The following GPC6 variants were observed in gnomAD, a reference collection of about 807,000 sequenced individuals.
GPC6 encodes the protein glypican-6.
In GPC6, 14 loss-of-function variants were observed where a neutral mutation model predicts 55.2. The observed-to-expected ratio is 0.25, with a 90% CI of 0.17 to 0.40. The LOEUF is 0.40. GPC6 is among the 10% of genes least tolerant of loss of function. The probability of loss-of-function intolerance (pLI) is 1.00; values close to 1 mark genes in which losing one functional copy is unlikely to be tolerated. For missense variants in GPC6, 641 were observed against 708.5 expected (o/e 0.90, Z 1.08); for synonymous variants, 278 against 259.6 (o/e 1.07, Z -0.68).
chr13:94,076,023 T>C (rs997865381), intron 4 of GPC6, among the ~76,000 whole-genome samples: 5 of 152,134 alleles, frequency 3.3e-5, no homozygotes, highest in African/African-American at 9.6e-5. Context: ...TTAAATATTT[T>C]GAGGAACCTC....
At chr13:93,967,567 C>A (rs1336349078) in intron 3 of GPC6, among the ~76,000 whole-genome samples, 1 of 152,108 alleles carries the variant, frequency 6.6e-6, no homozygotes, top group African/African-American at 2.4e-5. Context: ...CCTGGTGCAA[C>A]AAATGTTTCT....
intron 2 of GPC6, among the ~76,000 whole-genome samples, chr13:93,792,073 C>A (rs969614545): frequency 6.6e-6 from 1 of 152,180 alleles, no homozygotes; most frequent in South Asian, 2.1e-4. Flanking sequence ...TAATTCCTTT[C>A]ATTCTTAGCC....
intron 1 of GPC6, among the ~76,000 whole-genome samples, chr13:93,238,539 C>T (rs146314265): frequency 4.3e-4 from 66 of 152,040 alleles, no homozygotes; most frequent in African/African-American, 1.6e-3. Flanking sequence ...GTTTGACTTC[C>T]TCTTTTCTAA....
chr13:94,225,238 C>T (rs1295505829), intron 4 of GPC6, among the ~76,000 whole-genome samples: 3 of 152,030 alleles, frequency 2.0e-5, no homozygotes, highest in Non-Finnish European at 4.4e-5. Flanking sequence ...CTACTGAGGG[C>T]TTCATCAACA....
chr13:93,974,758 AT>A (rs200007526), intron 3 of GPC6, among the ~76,000 whole-genome samples: 18 of 151,126 alleles, frequency 1.2e-4, no homozygotes, highest in East Asian at 5.8e-4. Flanking sequence ...CCATTTCCTT[AT>A]TTTTTTTTGT....
intron 1 of GPC6, among the ~76,000 whole-genome samples, chr13:93,390,464 G>T (rs1264731279): frequency 6.6e-6 from 1 of 152,158 alleles, no homozygotes; most frequent in African/African-American, 2.4e-5. Flanking sequence ...TAGAGACCCA[G>T]CTGAAGTGGT....
chr13:94,224,366 A>G (rs1890482875), intron 4 of GPC6, among the ~76,000 whole-genome samples: 1 of 151,858 alleles, frequency 6.6e-6, no homozygotes, highest in Admixed American at 6.6e-5. Flanking sequence ...ATTTCTCAAC[A>G]TAAGTTCCAT....
At chr13:93,563,086 T>C (rs1875893840) in intron 2 of GPC6, among the ~76,000 whole-genome samples, 1 of 152,186 alleles carries the variant, frequency 6.6e-6, no homozygotes, top group Non-Finnish European at 1.5e-5. Flanking sequence ...CTTTTTCCAT[T>C]TCCTGGAGTC....
chr13:93,291,848 G>T (rs1483991975), intron 1 of GPC6, among the ~76,000 whole-genome samples: 1 of 152,028 alleles, frequency 6.6e-6, no homozygotes, highest in Non-Finnish European at 1.5e-5. Flanking sequence ...ACTTGGAAAA[G>T]ACATCACTTC....
At chr13:93,947,713 G>T (rs1350302097) in intron 3 of GPC6, among the ~76,000 whole-genome samples, 1 of 151,830 alleles carries the variant, frequency 6.6e-6, no homozygotes, top group Non-Finnish European at 1.5e-5. Context: ...GTACAAAAGT[G>T]GTTTCTTTTT....
At chr13:93,493,859 CTAGTTTGA>C (rs994487751) in intron 1 of GPC6, among the ~76,000 whole-genome samples, 4 of 115,814 alleles carry the variant, frequency 3.5e-5, no homozygotes, top group Non-Finnish European at 7.5e-5. Context: ...ATCCTGAGCT[CTAGTTTGA>C]TTGCACTGTG....
Position 94,030,175 on chromosome 13 carries a change from A to AT in GPC6, c.877+2288dup, listed in dbSNP as rs998933282. Among the ~76,000 whole-genome samples the AT allele has an allele frequency of 1.9e-4, 29 of 151,848 alleles. 1 individual carries two copies. The highest frequency in any genetic ancestry group is 6.3e-4 in the African/African-American group (26 of 41,408). On this transcript the variant is annotated intron_variant, in intron 4 of 8. Coordinates refer to ENST00000377047, the MANE Select transcript of GPC6 (RefSeq NM_005708.5). Reference sequence around the variant, plus strand: ...AGGCGCCCGACACCACACCAGGCTAATTTTTTTGTATTTTTAGTAGAGACG... The same window carrying AT: ...AGGCGCCCGACACCACACCAGGCTAATTTTTTTTGTATTTTTAGTAGAGACG...
chr13:93,924,669 ATTTCT>A (rs1291069833), intron 3 of GPC6, among the ~76,000 whole-genome samples: 2 of 145,896 alleles, frequency 1.4e-5, no homozygotes, highest in African/African-American at 5.1e-5. Flanking sequence ...AGAGTGATTG[ATTTCT>A]TTTATCTTTT....
chr13:94,000,234 C>G (rs1424705918), intron 3 of GPC6, among the ~76,000 whole-genome samples: 1 of 152,194 alleles, frequency 6.6e-6, no homozygotes, highest in African/African-American at 2.4e-5. Context: ...TCTGTACTCA[C>G]TACTCTATTT....
chr13:93,377,941 G>A (rs1409645187), intron 1 of GPC6, among the ~76,000 whole-genome samples: 1 of 152,152 alleles, frequency 6.6e-6, no homozygotes, highest in South Asian at 2.1e-4. Flanking sequence ...AAGTAAATCG[G>A]TTGTATTTTC....
intron 5 of GPC6, among the ~76,000 whole-genome samples, chr13:94,291,697 CT>C (rs58413609): frequency 0.056 from 7,588 of 135,738 alleles, 408 homozygotes; most frequent in East Asian, 0.19. Flanking sequence ...TTGAATTTAT[CT>C]TTTTTTTTTT....
At chr13:93,969,577 C>A (rs756496403) in intron 3 of GPC6, among the ~76,000 whole-genome samples, 2 of 152,080 alleles carry the variant, frequency 1.3e-5, no homozygotes, top group African/African-American at 4.8e-5. Flanking sequence ...CTGGCTAATA[C>A]CATTAACAAA....
At chr13:94,361,786 G>A (rs2139181655) in intron 6 of GPC6, among the ~76,000 whole-genome samples, 1 of 152,342 alleles carries the variant, frequency 6.6e-6, no homozygotes, top group Middle Eastern at 3.4e-3. Flanking sequence ...GTTTGGAACA[G>A]ATTAAAGGGT....
At chr13:93,626,618 A>G (rs1879210301) in intron 2 of GPC6, among the ~76,000 whole-genome samples, 1 of 152,076 alleles carries the variant, frequency 6.6e-6, no homozygotes, top group South Asian at 2.1e-4. Context: ...CCTGGCCAAT[A>G]TGGTGAAACC....
Sources: allele counts gnomAD v4.1 joint callset (sites outside exome capture counted in the v4.1 genomes callset), GRCh38; gene constraint gnomAD v4.1.1; transcripts MANE v1.5; gene names NCBI Gene and HGNC (gene_info 2026-07-23, HGNC 2026-07-21).